The following DLG2 variants were observed in gnomAD, a reference collection of about 807,000 sequenced individuals.
The protein encoded by DLG2 is discs large MAGUK scaffold protein 2.
In DLG2, 45 loss-of-function variants were observed where a neutral mutation model predicts 132.5. The ratio of observed to expected loss-of-function variants is 0.34; its 90% CI spans 0.27 to 0.44. DLG2 has a LOEUF of 0.44. DLG2 is among the 20% of genes least tolerant of loss of function. DLG2 has a pLI of 1.00. For synonymous variants in DLG2, 424 were observed against 419.6 expected (o/e 1.01, Z -0.13); for missense variants, 1,045 against 1,196.9 (o/e 0.87, Z 1.87).
At chr11:84,344,390 A>G (rs2098529742) in intron 7 of DLG2, among the ~76,000 whole-genome samples, 1 of 152,178 alleles carries the variant, frequency 6.6e-6, no homozygotes, top group African/African-American at 2.4e-5. Context: ...AGAGTAGTGT[A>G]CTCAGGGCTC....
chr11:85,497,057 C>T (rs966318006), intron 3 of DLG2, among the ~76,000 whole-genome samples: 3 of 151,708 alleles, frequency 2.0e-5, no homozygotes, highest in African/African-American at 7.3e-5. Flanking sequence ...AGCAAGGGAA[C>T]AAAATGAGAT....
intron 3 of DLG2, among the ~76,000 whole-genome samples, chr11:85,392,541 G>A (rs2086889810): frequency 6.6e-6 from 1 of 151,938 alleles, no homozygotes; most frequent in Admixed American, 6.6e-5. Flanking sequence ...GAACAAATCT[G>A]GAGGCATCAT....
At chr11:84,651,879 G>C (rs1242241352) in intron 6 of DLG2, among the ~76,000 whole-genome samples, 1 of 152,116 alleles carries the variant, frequency 6.6e-6, no homozygotes, top group African/African-American at 2.4e-5. Flanking sequence ...AGACCCCAAA[G>C]AGTCATGAGT....
chr11:85,268,215 T>C (rs1456903111), intron 4 of DLG2, among the ~76,000 whole-genome samples: 2 of 152,094 alleles, frequency 1.3e-5, no homozygotes, highest in Non-Finnish European at 2.9e-5. Context: ...TCAGCGAAAA[T>C]CTACCTACCA....
chr11:85,507,525 G>A (rs959943982), intron 3 of DLG2, among the ~76,000 whole-genome samples: 20 of 152,310 alleles, frequency 1.3e-4, no homozygotes, highest in Admixed American at 2.0e-4. Context: ...CTTTAAGAAA[G>A]TTGAATATTG....
At chr11:83,861,144 A>C (rs2061391490) in intron 16 of DLG2, among the ~76,000 whole-genome samples, 2 of 152,204 alleles carry the variant, frequency 1.3e-5, no homozygotes, top group South Asian at 4.1e-4. Flanking sequence ...AACATCACTG[A>C]GCATCAGAGA....
chr11:83,692,369 A>G (rs2081143189), intron 18 of DLG2, among the ~76,000 whole-genome samples: 1 of 152,244 alleles, frequency 6.6e-6, no homozygotes, highest in Non-Finnish European at 1.5e-5. Context: ...CCTAACTTTT[A>G]GGATCATGGT....
chr11:84,291,451 A>G (rs1409417037), intron 7 of DLG2, among the ~76,000 whole-genome samples: 1 of 152,200 alleles, frequency 6.6e-6, no homozygotes. Flanking sequence ...TGGAGTATAT[A>G]TCCCCTCATT....
chr11:84,402,024 A>G, intron 7 of DLG2, among the ~76,000 whole-genome samples: 1 of 152,230 alleles, frequency 6.6e-6, no homozygotes, highest in Non-Finnish European at 1.5e-5. Context: ...TTATGTTTTT[A>G]ATGTCAAAAA....
At chr11:85,272,453 C>T (rs1016051980) in intron 4 of DLG2, among the ~76,000 whole-genome samples, 1 of 152,166 alleles carries the variant, frequency 6.6e-6, no homozygotes, top group Non-Finnish European at 1.5e-5. Context: ...AGTCTGGAAA[C>T]TCAGGCAGAA....
intron 6 of DLG2, among the ~76,000 whole-genome samples, chr11:84,580,954 T>A (rs1019230209): frequency 2.6e-5 from 4 of 152,146 alleles, no homozygotes; most frequent in African/African-American, 9.7e-5. Context: ...CTAATAGAGT[T>A]TCAGTAGTAG....
chr11:84,284,658 T>C (rs372469651), intron 7 of DLG2, among the ~76,000 whole-genome samples: 7 of 152,190 alleles, frequency 4.6e-5, no homozygotes, highest in Non-Finnish European at 8.8e-5. Context: ...CTAACCTAGA[T>C]AGAACCGTGA....
At chr11:84,155,309 G>C (rs1174584492) in intron 9 of DLG2, among the ~76,000 whole-genome samples, 1 of 152,024 alleles carries the variant, frequency 6.6e-6, no homozygotes, top group Non-Finnish European at 1.5e-5. Context: ...CTCTGTGCAG[G>C]GTTCCCAGTT....
At position 83,833,780 on chromosome 11, in the gene DLG2, GAAAT is replaced by G. The variant is rs1384727518; in HGVS notation, c.1566-14_1566-11del. ...TACCTTGCGAGGCTCTCTGCAGAAA[GAAAT>G]AGAGAACACAGCTCAGAGGGTGATC... is the stretch of plus-strand genomic sequence containing the variant. On this transcript the variant is annotated splice_polypyrimidine_tract_variant and intron_variant, in intron 16 of 27. Coordinates refer to ENST00000376104, the MANE Select transcript of DLG2 (RefSeq NM_001142699.3). The G allele has an allele frequency of 6.2e-7, 1 of 1,612,894 alleles. No homozygotes were observed. Among genetic ancestry groups the G allele is most frequent in the Admixed American group, 1.7e-5 (1 of 59,864 alleles).
intron 4 of DLG2, among the ~76,000 whole-genome samples, chr11:85,192,924 T>C (rs2080715200): frequency 6.6e-6 from 1 of 152,192 alleles, no homozygotes; most frequent in Non-Finnish European, 1.5e-5. Context: ...CTTTAGGCTT[T>C]GAACTGAAAT....
chr11:84,255,588 G>T (rs563514544), intron 7 of DLG2, among the ~76,000 whole-genome samples: 2 of 152,066 alleles, frequency 1.3e-5, no homozygotes, highest in Non-Finnish European at 2.9e-5. Flanking sequence ...CCCCCAAAGC[G>T]CTGGGAGTAC....
intron 18 of DLG2, among the ~76,000 whole-genome samples, chr11:83,747,302 TCCTTCCTTCCTTCCTTCCTTCCTTCCTG>T (rs1310404181): frequency 2.0e-5 from 3 of 148,592 alleles, no homozygotes; most frequent in Admixed American, 6.7e-5. Context: ...CTTCCTTCCT[TCCTTCCTTCCTTCCTTCCTTCCTTCCTG>T]CCTTCCTTCC....
At chr11:83,925,182 T>C (rs2078733926) in intron 15 of DLG2, among the ~76,000 whole-genome samples, 2 of 152,192 alleles carry the variant, frequency 1.3e-5, no homozygotes, top group South Asian at 4.1e-4. Flanking sequence ...AGCAGCTGGG[T>C]TTCAGTCAAT....
chr11:83,577,658 ATAT>A (rs1333590384), intron 19 of DLG2, among the ~76,000 whole-genome samples: 1 of 125,106 alleles, frequency 8.0e-6, no homozygotes, highest in Non-Finnish European at 1.6e-5. Context: ...ATAATATATA[ATAT>A]TATAAATATA....
Sources: allele counts gnomAD v4.1 joint callset (sites outside exome capture counted in the v4.1 genomes callset), GRCh38; gene constraint gnomAD v4.1.1; transcripts MANE v1.5; gene names NCBI Gene and HGNC (gene_info 2026-07-23, HGNC 2026-07-21).